The following COL14A1 variants were observed in gnomAD, a reference collection of about 807,000 sequenced individuals.
COL14A1 encodes the protein collagen alpha-1(XIV) chain.
A neutral mutation model predicts 230.3 loss-of-function variants in COL14A1; 136 were observed. That is an observed-to-expected ratio of 0.59 (90% CI 0.51 to 0.68). COL14A1 has a LOEUF of 0.68. Among genes scored for constraint, COL14A1 ranks in the 30% least tolerant of loss-of-function variants. The pLI is 0.00. For synonymous variants in COL14A1, 792 were observed against 784.1 expected, an observed-to-expected ratio of 1.01 and a Z score of -0.17; for missense variants, 1,976 against 2,215.8, an observed-to-expected ratio of 0.89 and a Z score of 2.17.
At chr8:120,281,168 C>G (rs145915221) in intron 31 of COL14A1, 109 bp downstream of exon 31, 1 of 987,494 alleles carries the variant, frequency 1.0e-6, no homozygotes, top group Non-Finnish European at 1.5e-6. Context: ...GGATTTTCCA[C>G]GACATTTAGA....
intron 42 of COL14A1, among the ~76,000 whole-genome samples, chr8:120,333,596 C>T (rs1821944006): frequency 6.6e-6 from 1 of 152,220 alleles, no homozygotes; most frequent in South Asian, 2.1e-4. Context: ...GAATTAGATT[C>T]CTGTTACCAC....
chr8:120,232,955 G>C (rs548670221), intron 19 of COL14A1, among the ~76,000 whole-genome samples: 1 of 151,916 alleles, frequency 6.6e-6, no homozygotes, highest in South Asian at 2.1e-4. Flanking sequence ...AATGATTGCC[G>C]TTCTAACTGG....
chr8:120,227,141 T>C, intron 16 of COL14A1, 79 bp from the exon 17 acceptor site: 3 of 1,504,622 alleles, frequency 2.0e-6, no homozygotes, highest in Non-Finnish European at 2.7e-6. Context: ...GGTTGTTTCT[T>C]GCTTATGCTC....
chr8:120,327,579 A>G (rs866285802), intron 40 of COL14A1, among the ~76,000 whole-genome samples: 8 of 152,222 alleles, frequency 5.3e-5, no homozygotes, highest in Middle Eastern at 3.4e-3. Flanking sequence ...AGCTTCTGAG[A>G]GTAGGATGAC....
intron 30 of COL14A1, 50 bp downstream of exon 30, chr8:120,280,799 C>A (rs1820009946): frequency 5.1e-6 from 8 of 1,576,026 alleles, no homozygotes; most frequent in Non-Finnish European, 6.9e-6. Flanking sequence ...ACAGGCCTCT[C>A]AATTGGGGAT....
intron 1 of COL14A1, among the ~76,000 whole-genome samples, chr8:120,138,931 A>G (rs765946150): frequency 1.3e-5 from 2 of 152,170 alleles, no homozygotes; most frequent in Non-Finnish European, 2.9e-5. Flanking sequence ...ATATATATAA[A>G]ATGTGGAGTT....
chr8:120,169,668 A>T (rs1403672703), intron 5 of COL14A1, among the ~76,000 whole-genome samples: 1 of 151,996 alleles, frequency 6.6e-6, no homozygotes, highest in Non-Finnish European at 1.5e-5. Flanking sequence ...TCTTTTTGAT[A>T]ATTTTTAATA....
chr8:120,276,068 T>C (rs1819831338), intron 26 of COL14A1, among the ~76,000 whole-genome samples: 1 of 151,658 alleles, frequency 6.6e-6, no homozygotes, highest in Admixed American at 6.6e-5. Flanking sequence ...TGCAAAGATA[T>C]AGAACCAACT....
At chr8:120,215,015 G>C (rs191844361) in intron 13 of COL14A1, among the ~76,000 whole-genome samples, 48 of 152,332 alleles carry the variant, frequency 3.2e-4, no homozygotes, top group African/African-American at 1.1e-3. Context: ...CATGGAAAAG[G>C]CACGGAGTAG....
At chr8:120,218,574 T>G (rs2130784101) in intron 14 of COL14A1, among the ~76,000 whole-genome samples, 1 of 152,278 alleles carries the variant, frequency 6.6e-6, no homozygotes. Flanking sequence ...CCTCCCAAAG[T>G]GCTGGGATTA....
At chr8:120,306,365 A>G (rs566249793) in intron 36 of COL14A1, among the ~76,000 whole-genome samples, 1 of 152,286 alleles carries the variant, frequency 6.6e-6, no homozygotes. Context: ...TTGGAGGGGG[A>G]AGAAAGATGT....
chr8:120,370,804 G>T (rs747544458), intron 47 of COL14A1: 1 of 1,376,986 alleles, frequency 7.3e-7, no homozygotes, highest in Admixed American at 2.2e-5. Context: ...TCCCCTCCCT[G>T]CTCTTCCCTG....
At chr8:120,251,907 C>T (rs1166082640) in intron 22 of COL14A1, among the ~76,000 whole-genome samples, 3 of 151,938 alleles carry the variant, frequency 2.0e-5, no homozygotes, top group Non-Finnish European at 4.4e-5. Context: ...CTTTTTGCTA[C>T]TCTTTTTCTA....
chr8:120,308,122 C>A (rs1820909042), intron 36 of COL14A1, among the ~76,000 whole-genome samples: 1 of 152,204 alleles, frequency 6.6e-6, no homozygotes, highest in African/African-American at 2.4e-5. Flanking sequence ...GCTGGGATTG[C>A]AGGCCTGTGC....
chr8:120,155,787 CCTAT>C (rs1815457460), intron 2 of COL14A1, among the ~76,000 whole-genome samples: 1 of 152,182 alleles, frequency 6.6e-6, no homozygotes, highest in African/African-American at 2.4e-5. Flanking sequence ...GTAATAAGAA[CCTAT>C]CTATTAATAA....
intron 45 of COL14A1, among the ~76,000 whole-genome samples, chr8:120,363,018 C>CCA (rs1374138237): frequency 6.6e-6 from 1 of 152,112 alleles, no homozygotes; most frequent in East Asian, 1.9e-4. Context: ...GTTGATATCA[C>CCA]CACCACACAA....
chr8:120,264,507 A>G (rs2129780138), intron 24 of COL14A1, among the ~76,000 whole-genome samples: 1 of 152,256 alleles, frequency 6.6e-6, no homozygotes, highest in Middle Eastern at 3.4e-3. Context: ...TCTTGCCTCA[A>G]GTGGTGGCAG....
intron 45 of COL14A1, among the ~76,000 whole-genome samples, chr8:120,358,689 T>C (rs529446428): frequency 1.3e-5 from 2 of 151,830 alleles, no homozygotes; most frequent in Admixed American, 6.6e-5. Context: ...ACTCCTTTTT[T>C]AAAAATGTAG....
At chr8:120,331,657 A>G (rs1375765557) in intron 40 of COL14A1, among the ~76,000 whole-genome samples, 3 of 152,190 alleles carry the variant, frequency 2.0e-5, no homozygotes. Context: ...AAGCTCAATC[A>G]TTGCCACACG....
Sources: gnomAD v4.1 joint callset for allele counts (sites outside exome capture counted in the v4.1 genomes callset) on GRCh38, gnomAD v4.1.1 for gene constraint, MANE v1.5 for transcripts, NCBI Gene and HGNC (gene_info 2026-07-23, HGNC 2026-07-21) for gene names.